PCBP3: variants seen among roughly 807,000 people sequenced by gnomAD.
The protein encoded by PCBP3 is poly(rC)-binding protein 3.
Under a neutral mutation model 52.7 loss-of-function variants are expected in PCBP3, and 25 were observed. The observed-to-expected ratio is 0.47, with a 90% CI of 0.35 to 0.66. The LOEUF (loss-of-function observed/expected upper bound fraction) is 0.66. Among genes scored for constraint, PCBP3 ranks in the 30% least tolerant of loss-of-function variants. PCBP3 has a pLI of 0.01. For missense variants in PCBP3, 391 were observed against 490.3 expected, an observed-to-expected ratio of 0.80 and a Z score of 1.91; for synonymous variants, 162 against 183.0, an observed-to-expected ratio of 0.89 and a Z score of 0.93.
intron 12 of PCBP3, 58 bp downstream of exon 12, chr21:45,914,083 C>G (rs768745294): frequency 6.8e-6 from 11 of 1,611,534 alleles, no homozygotes; most frequent in Non-Finnish European, 9.3e-6. Flanking sequence ...ACTGCAGCAC[C>G]CGCCGCTGCC....
intron 5 of PCBP3, among the ~76,000 whole-genome samples, chr21:45,884,738 T>G (rs1603465223): frequency 1.3e-5 from 2 of 152,116 alleles, no homozygotes; most frequent in African/African-American, 2.4e-5. Flanking sequence ...TTTTTTAAAT[T>G]TTTTTGTAGA....
rs1480563540 is a variant in PCBP3 at position 45,735,966 on chromosome 21, A to G, written c.-162+537A>G. On this transcript the variant is annotated intron_variant, in intron 3 of 17. Coordinates refer to ENST00000681687, the MANE Select transcript of PCBP3 (RefSeq NM_001384156.1). The surrounding 1 kb of genome is among the most constrained non-coding windows in gnomAD (Gnocchi z 4.0). ...GGCACTCACCTGTCTCACACAATGC[A>G]CTGTGGTCCCAATTCTAGTTTTGTA... 1.3e-5 allele frequency among the ~76,000 whole-genome samples: 2 copies of G among 152,208 alleles called. No individual in the cohort carries two copies. The highest frequency in any genetic ancestry group is 3.9e-4 in the East Asian group (2 of 5,192).
chr21:45,820,193 G>A (rs754973209), intron 4 of PCBP3, among the ~76,000 whole-genome samples: 5 of 152,212 alleles, frequency 3.3e-5, no homozygotes, highest in South Asian at 2.1e-4. Flanking sequence ...GCCTTCTCCC[G>A]GCTGTCAGGT....
intron 2 of PCBP3, among the ~76,000 whole-genome samples, chr21:45,690,187 T>C (rs998547384): frequency 2.0e-5 from 3 of 152,186 alleles, no homozygotes; most frequent in East Asian, 1.9e-4. Flanking sequence ...CAAGCTTGTA[T>C]GATCAATTGA....
chr21:45,800,968 T>C lies in PCBP3; in HGVS notation c.-126+45516T>C, dbSNP rs2092277838. The stretch of plus-strand genomic sequence containing the variant: ...GGTTCCCGCCTCCTCCAGGACTTGT[T>C]GCCCGTTCTGCGTGGCCACCCGTTC... On this transcript the variant is annotated intron_variant, in intron 4 of 17. Coordinates refer to ENST00000681687, the MANE Select transcript of PCBP3 (RefSeq NM_001384156.1). This position sits in a 1 kb window ranked among gnomAD's most constrained non-coding sequence, Gnocchi z 5.3. Among the ~76,000 whole-genome samples, 1 of 152,218 alleles carries C rather than the reference T, an allele frequency of 6.6e-6. No homozygotes were observed. Among genetic ancestry groups the C allele is most frequent in the Admixed American group, 6.5e-5 (1 of 15,294 alleles).
intron 3 of PCBP3, among the ~76,000 whole-genome samples, chr21:45,752,495 C>T (rs535963850): frequency 1.3e-5 from 2 of 152,118 alleles, no homozygotes; most frequent in South Asian, 4.1e-4. Context: ...ATATATAGTA[C>T]TTTTATTATC....
At chr21:45,712,439 A>T (rs939770389) in intron 2 of PCBP3, among the ~76,000 whole-genome samples, 1 of 152,200 alleles carries the variant, frequency 6.6e-6, no homozygotes, top group Non-Finnish European at 1.5e-5. Flanking sequence ...GATATTAATA[A>T]TTCTAACAGG....
At chr21:45,895,669 A>C (rs2095805491) in intron 5 of PCBP3, among the ~76,000 whole-genome samples, 1 of 152,252 alleles carries the variant, frequency 6.6e-6, no homozygotes, top group Non-Finnish European at 1.5e-5. Context: ...ACTGCCAAGG[A>C]CACCAGCCGT....
At position 45,850,108 on chromosome 21, in the gene PCBP3, C is replaced by A; in HGVS notation, c.10+13C>A. On this transcript the variant is annotated intron_variant, in intron 5 of 17. Transcript: ENST00000681687. ...CTTATGGGGGAAGGTGAGTTACTGT[C>A]TTTTGTTTCCATGTTTGTTTGTTTA... 2 of 1,548,302 alleles carry A rather than the reference C, an allele frequency of 1.3e-6. No homozygotes were observed. The highest frequency in any genetic ancestry group is 1.7e-6 in the Non-Finnish European group (2 of 1,143,882).
intron 12 of PCBP3, chr21:45,915,662 G>C (rs1395472536): frequency 6.6e-6 from 1 of 152,346 alleles, no homozygotes; most frequent in African/African-American, 2.4e-5. Context: ...GCCCTGTGCA[G>C]TGGGTGCTGT....
rs1018712889 is a variant in PCBP3 at position 45,928,280 on chromosome 21, C to T, written c.718-1637C>T. On this transcript the variant is annotated intron_variant, in intron 13 of 17. Transcript: ENST00000681687. The surrounding 1 kb of genome is among the most constrained non-coding windows in gnomAD (Gnocchi z 4.1). ...TCCACACACATCCCCTCAGATAACC[C>T]GGCACACCCGTTCACGTTACATCAT... 7.9e-5 allele frequency among the ~76,000 whole-genome samples: 12 copies of T among 152,306 alleles called. No individual in the cohort carries two copies. Among genetic ancestry groups the T allele is most frequent in the East Asian group, 3.9e-4 (2 of 5,168 alleles).
chr21:45,669,600 C>T (rs2081016334), intron 2 of PCBP3, among the ~76,000 whole-genome samples: 1 of 151,808 alleles, frequency 6.6e-6, no homozygotes, highest in South Asian at 2.1e-4. Flanking sequence ...TCCCAAACCC[C>T]TGGCAACTAC....
chr21:45,891,254 G>T lies in PCBP3; in HGVS notation c.11-4954G>T, dbSNP rs535153759. 2.6e-5 allele frequency among the ~76,000 whole-genome samples: 4 copies of T among 152,346 alleles called. No individual in the cohort carries two copies. In the South Asian group the frequency reaches 8.3e-4, roughly 32 times the overall value. ...GATCCAACCGTTGTGCTCCTAGGTG[G>T]TACCTGCAGGAAATGGAAGTGCTTC... is the stretch of plus-strand genomic sequence containing the variant. On this transcript the variant is annotated intron_variant, in intron 5 of 17. Coordinates refer to ENST00000681687, the MANE Select transcript of PCBP3 (RefSeq NM_001384156.1).
chr21:45,753,613 T>G (rs1239363676), intron 3 of PCBP3, among the ~76,000 whole-genome samples: 1 of 152,042 alleles, frequency 6.6e-6, no homozygotes, highest in Admixed American at 6.5e-5. Flanking sequence ...TAGCTCAACT[T>G]TCTTATTTTT....
chr21:45,809,507 G>GCTGGGGCCTGTCAGC (rs1386265522), intron 4 of PCBP3, among the ~76,000 whole-genome samples: 1 of 152,210 alleles, frequency 6.6e-6, no homozygotes, highest in Non-Finnish European at 1.5e-5. Flanking sequence ...GTGGTTCTGG[G>GCTGGGGCCTGTCAGC]CTGGGGCCTG....
intron 2 of PCBP3, among the ~76,000 whole-genome samples, chr21:45,670,797 T>C (rs2081120802): frequency 6.6e-6 from 1 of 152,226 alleles, no homozygotes; most frequent in African/African-American, 2.4e-5. Context: ...TTCAGGGCCT[T>C]ACATGGTAAA....
chr21:45,846,897 A>G (rs944127782), intron 4 of PCBP3, among the ~76,000 whole-genome samples: 2 of 152,198 alleles, frequency 1.3e-5, no homozygotes, highest in Admixed American at 1.3e-4. Context: ...GGCAATTGTC[A>G]TGTCTCTTGT....
intron 6 of PCBP3, among the ~76,000 whole-genome samples, chr21:45,898,966 G>T (rs890962830): frequency 6.6e-6 from 1 of 152,202 alleles, no homozygotes; most frequent in African/African-American, 2.4e-5. Context: ...TCTGCATGCC[G>T]TCCTCACAGC....
chr21:45,745,193 G>A (rs1258339924), intron 3 of PCBP3, among the ~76,000 whole-genome samples: 1 of 152,192 alleles, frequency 6.6e-6, no homozygotes, highest in Non-Finnish European at 1.5e-5. Flanking sequence ...TTCTGTGTGA[G>A]ACCCATAGGA....
Sources: allele counts gnomAD v4.1 joint callset (sites outside exome capture counted in the v4.1 genomes callset), GRCh38; gene constraint gnomAD v4.1.1; non-coding constraint Gnocchi (gnomAD v3.1); transcripts MANE v1.5; gene names NCBI Gene and HGNC (gene_info 2026-07-23, HGNC 2026-07-21).